Variants in ALS2 observed in about 807,000 individuals in gnomAD.
ALS2 encodes the protein alsin.
A neutral mutation model predicts 203.4 loss-of-function variants in ALS2; 117 were observed. The observed-to-expected ratio is 0.58, with a 90% CI of 0.50 to 0.67. The LOEUF is 0.67. ALS2 is among the 30% of genes least tolerant of loss of function. ALS2 has a pLI of 0.00. For synonymous variants in ALS2, 718 were observed against 725.9 expected (o/e 0.99, Z 0.17); for missense variants, 1,715 against 1,989.4 (o/e 0.86, Z 2.62).
chr2:201,766,078 T>C (rs1195852503), intron 3 of ALS2, among the ~76,000 whole-genome samples: 11 of 152,208 alleles, frequency 7.2e-5, no homozygotes, highest in Admixed American at 7.2e-4. Flanking sequence ...TACTAACACA[T>C]GGGGCTTAGT....
chr2:201,712,826 C>T (rs1690114147), intron 25 of ALS2, among the ~76,000 whole-genome samples: 1 of 151,938 alleles, frequency 6.6e-6, no homozygotes, highest in South Asian at 2.1e-4. Context: ...ACAAGTACAT[C>T]TGTAACTTTT....
chr2:201,704,490 A>C lies in ALS2; in HGVS notation c.4802T>G (p.Leu1601Trp), dbSNP rs1689580911. ...HEDFLWSMDD[L>W]FPVFLYVVLR... ...CACCACATATAAGAAAACAGGAAAC[A>C]AGTCATCCATGGACCACAAGAAGTC... Residue 1601 changes from leucine to tryptophan, a missense_variant, in exon 32 of 34, where the codon TTG becomes TGG. Physicochemically the swap from Leu to Trp is moderately conservative, Grantham distance 61. This residue lies in a region of ALS2 where 1,227 missense variants were observed against 1,413.5 expected (regional missense o/e 0.87). Transcript: ENST00000264276. 1 of 1,614,058 alleles carries C rather than the reference A, an allele frequency of 6.2e-7. No individual in the cohort carries two copies. Among genetic ancestry groups the C allele is most frequent in the Non-Finnish European group, 8.5e-7 (1 of 1,180,030 alleles).
chr2:201,722,789 G>A (rs1335965589), intron 23 of ALS2: 1 of 517,760 alleles, frequency 1.9e-6, no homozygotes, highest in Admixed American at 3.4e-5. Flanking sequence ...GTGATTAAGG[G>A]TGATTAGTGG....
Position 201,729,076 on chromosome 2 carries a change from C to T in ALS2, c.2688G>A (p.Trp896Ter). 6.2e-7 allele frequency: 1 copy of T among 1,614,120 alleles called. No homozygotes were observed. Among genetic ancestry groups the T allele is most frequent in the Non-Finnish European group, 8.5e-7 (1 of 1,180,022 alleles). ...CCGTCATTTTTCCGGGGAAGGTCTT[C>T]CAGAAGCCCAGTGTGTATTCTGCTT... is the stretch of plus-strand genomic sequence containing the variant. ...RKEAEYTLGFWKTFPGKMTDS... is the reference protein window; with the variant it reads ...RKEAEYTLGF Residue 896 changes from tryptophan (W) to a stop codon, truncating the protein, a stop_gained, in exon 14 of 34, where the codon TGG (tryptophan) becomes TGA (stop). Coordinates refer to ENST00000264276, the MANE Select transcript of ALS2 (RefSeq NM_020919.4). LOFTEE classifies it high-confidence loss of function.
intron 9 of ALS2, 42 bp downstream of exon 9, chr2:201,746,524 T>C (rs373385520): frequency 5.0e-6 from 8 of 1,604,872 alleles, no homozygotes; most frequent in South Asian, 1.1e-5. Flanking sequence ...AGACTTCTTA[T>C]GTGTTACTGA....
chr2:201,757,371 G>A, intron 5 of ALS2, 31 bp downstream of exon 5: 1 of 1,584,478 alleles, frequency 6.3e-7, no homozygotes, highest in Non-Finnish European at 8.7e-7. Context: ...TTCCCCAAAA[G>A]TCAATTCACA....
chr2:201,778,025 G>A (rs1040056742), intron 1 of ALS2, among the ~76,000 whole-genome samples: 2 of 152,024 alleles, frequency 1.3e-5, no homozygotes, highest in Non-Finnish European at 2.9e-5. Flanking sequence ...TTATATGTTT[G>A]CTTAGCCAAT....
chr2:201,709,587 G>C lies in ALS2; in HGVS notation c.4280+294C>G, dbSNP rs143299485. Among the ~76,000 whole-genome samples, 283 of 152,264 alleles carry C rather than the reference G, an allele frequency of 1.9e-3. 2 individuals carry two copies. The highest frequency in any genetic ancestry group is 6.6e-3 in the African/African-American group (274 of 41,564). Reference sequence around the variant, plus strand: ...GGTTTTAGATACATGATTTTGCCTAGAGACTGAATCTAAATAAGACGACTA... The same window carrying C: ...GGTTTTAGATACATGATTTTGCCTACAGACTGAATCTAAATAAGACGACTA... On this transcript the variant is annotated intron_variant, in intron 27 of 33. Coordinates refer to ENST00000264276, the MANE Select transcript of ALS2 (RefSeq NM_020919.4).
intron 9 of ALS2, among the ~76,000 whole-genome samples, chr2:201,744,972 C>T (rs896922436): frequency 1.3e-5 from 2 of 152,080 alleles, no homozygotes; most frequent in African/African-American, 2.4e-5. Context: ...GTCATTTACC[C>T]CAGATACCAC....
In ALS2 at chr2:201,705,602, T is replaced by C. The variant is rs781309051; in HGVS notation, c.4581-141A>G. The C allele has an allele frequency of 6.4e-5, 43 of 674,244 alleles. No homozygotes were observed. The East Asian group carries it at 7.3e-4, about 11-fold the overall frequency. 41.8% of individuals were successfully genotyped at this position (674,244 alleles called of 1,614,324 possible). On this transcript the variant is annotated intron_variant, in intron 29 of 33. Transcript: ENST00000264276. ...ACAATAGGTTAAGTTTTTATAAACA[T>C]TCCAGAAGTGATTTAAGAGTTTTTA...
intron 24 of ALS2, chr2:201,716,833 C>T (rs1040000387): frequency 6.6e-6 from 1 of 151,866 alleles, no homozygotes; most frequent in Admixed American, 6.6e-5. Flanking sequence ...GCATTACATA[C>T]TGGGTTCTAA....
At position 201,761,253 on chromosome 2, in the gene ALS2, G is replaced by A. The variant is rs1286517658; in HGVS notation, c.741C>T (p.Asp247=). 3.1e-6 allele frequency: 5 copies of A among 1,614,084 alleles called. No individual in the cohort carries two copies. In the African/African-American group the frequency reaches 5.3e-5, roughly 17 times the overall value. Residue 247 remains aspartate, a synonymous_variant, in exon 4 of 34, where the codon GAC becomes GAT. Coordinates refer to ENST00000264276, the MANE Select transcript of ALS2 (RefSeq NM_020919.4). ...QLLITMTDKE[D]HVIISDSHCC... ...AATGACTGTCTGATATAATCACATG[G>A]TCTTCTTTGTCAGTCATAGTAATCA...
At chr2:201,746,498 T>C (rs767379972) in intron 9 of ALS2, 68 bp downstream of exon 9, 1 of 1,580,982 alleles carries the variant, frequency 6.3e-7, no homozygotes, top group Non-Finnish European at 8.7e-7. Context: ...TACATACAAA[T>C]AAAAACAAAA....
chr2:201,755,511 C>T (rs542817221), intron 5 of ALS2, among the ~76,000 whole-genome samples: 65 of 152,336 alleles, frequency 4.3e-4, no homozygotes, highest in Non-Finnish European at 7.2e-4. Context: ...AATCCTCCTG[C>T]CTTGGCCTCC....
At position 201,761,082 on chromosome 2, in the gene ALS2, T is replaced by C. The variant is rs762261299; in HGVS notation, c.912A>G (p.Glu304=). 1.2e-6 allele frequency: 2 copies of C among 1,614,196 alleles called. No homozygotes were observed. Among genetic ancestry groups the C allele is most frequent in the South Asian group, 2.2e-5 (2 of 91,082 alleles). The change falls in exon 4 of 34, where the codon GAA becomes GAG. Residue 304 remains glutamate, a synonymous_variant. Coordinates refer to ENST00000264276, the MANE Select transcript of ALS2 (RefSeq NM_020919.4). ...TGATCTGAGCACTTACTGCATTCAG[T>C]TCAGTAGCAACAGACTGATCATTTG... ...LVANDQSVAT[E]LNAVSAQITS...
At chr2:201,716,451 G>A (rs188695481) in intron 24 of ALS2, among the ~76,000 whole-genome samples, 1 of 151,196 alleles carries the variant, frequency 6.6e-6, no homozygotes, top group African/African-American at 2.4e-5. Flanking sequence ...GGCTGGGGCA[G>A]GAGAATCGCT....
chr2:201,734,996 G>C (rs1288100034), intron 12 of ALS2, among the ~76,000 whole-genome samples: 1 of 152,172 alleles, frequency 6.6e-6, no homozygotes, highest in African/African-American at 2.4e-5. Context: ...ATGTGGTAAT[G>C]TGTACATACA....
In ALS2 at chr2:201,757,752, A is replaced by G; in HGVS notation, c.1121T>C (p.Leu374Ser). 2 of 1,605,752 alleles carry G rather than the reference A, an allele frequency of 1.2e-6. No homozygotes were observed. Among genetic ancestry groups the G allele is most frequent in the Non-Finnish European group, 1.7e-6 (2 of 1,177,492 alleles). ...GEKPVPSQPL[L>S]EEAIPNLHSP... ...GTGGAGATTAGGAATTGCTTCTTCT[A>G]AAAGAGGCTAAAATATACACACATA... Residue 374 changes from leucine to serine, a missense_variant, in exon 5 of 34, where the codon TTA becomes TCA. Coordinates refer to ENST00000264276, the MANE Select transcript of ALS2 (RefSeq NM_020919.4).
intron 26 of ALS2, among the ~76,000 whole-genome samples, chr2:201,710,354 A>G (rs940213350): frequency 6.6e-6 from 1 of 151,720 alleles, no homozygotes; most frequent in Non-Finnish European, 1.5e-5. Flanking sequence ...CCCAGCTACT[A>G]GGGAGGCTGA....
Sources: gnomAD v4.1 joint callset for allele counts (sites outside exome capture counted in the v4.1 genomes callset) on GRCh38, gnomAD v4.1.1 for gene constraint, gnomAD v4.1.1 regional missense constraint, MANE v1.5 for transcripts, NCBI Gene and HGNC (gene_info 2026-07-23, HGNC 2026-07-21) for gene names.